DYNLT1: variants seen among roughly 807,000 people sequenced by gnomAD.
DYNLT1 encodes the protein T-complex testis-specific protein 1 homolog.
A neutral mutation model predicts 19.6 loss-of-function variants in DYNLT1; 18 were observed. The observed-to-expected ratio is 0.92, with a 90% confidence interval of 0.64 to 1.36. The LOEUF (loss-of-function observed/expected upper bound fraction) is 1.36, where lower values mean the gene tolerates loss of function less well. DYNLT1 is among the 40% of genes most tolerant of loss of function. DYNLT1 has a pLI of 0.00. For missense variants in DYNLT1, 137 were observed against 139.3 expected, an observed-to-expected ratio of 0.98 and a Z score of 0.08; for synonymous variants, 56 against 44.0, an observed-to-expected ratio of 1.27 and a Z score of -1.07.
At chr6:158,641,262 T>C in intron 2 of DYNLT1, 57 bp downstream of exon 2, 1 of 1,479,482 alleles carries the variant, frequency 6.8e-7, no homozygotes, top group Middle Eastern at 1.9e-4. Context: ...TTAAAACACA[T>C]TATTTTCTCT....
At position 158,637,780 on chromosome 6, in the gene DYNLT1, T is replaced by C; in HGVS notation, c.184A>G (p.Lys62Glu). The C allele has an allele frequency of 6.2e-7, 1 of 1,614,174 alleles. No individual in the cohort carries two copies. The highest frequency in any genetic ancestry group is 8.5e-7 in the Non-Finnish European group (1 of 1,180,044). Residue 62 changes from lysine to glutamate, a missense_variant, in exon 3 of 5, where the codon AAA becomes GAA. Transcript: ENST00000367089. ...SQLTKLGKPF[K>E]YIVTCVIMQK... ...AACAAGACTCCATTACCGATGTATTTAAATGGTTTTCCCAGCTTGGTGAGT... is the reference window on the plus strand; with the variant it reads ...AACAAGACTCCATTACCGATGTATTCAAATGGTTTTCCCAGCTTGGTGAGT...
chr6:158,637,436 C>T lies in DYNLT1; in HGVS notation c.194-231G>A, dbSNP rs1404529841. Reference sequence around the variant, plus strand: ...CAACAATATATGAAAATGTAAGTTGCAAATGCACTTAATACCCTGGTAAAT... The same window carrying T: ...CAACAATATATGAAAATGTAAGTTGTAAATGCACTTAATACCCTGGTAAAT... On this transcript the variant is annotated intron_variant, in intron 3 of 4. Coordinates refer to ENST00000367089, the MANE Select transcript of DYNLT1 (RefSeq NM_006519.4). The T allele has an allele frequency of 8.1e-6, 5 of 617,902 alleles. No individual in the cohort carries two copies. In the Admixed American group the frequency reaches 1.5e-4, roughly 19 times the overall value. The allele number at this position is 617,902 out of a possible 1,614,324, so 38.3% of individuals were successfully genotyped here.
intron 3 of DYNLT1, 131 bp downstream of exon 3, chr6:158,637,640 C>T (rs759121261): frequency 1.2e-5 from 17 of 1,426,086 alleles, no homozygotes; most frequent in Non-Finnish European, 1.7e-5. Context: ...GTATACTACA[C>T]ACACGACCGA....
At chr6:158,638,034 T>G (rs1299495093) in intron 2 of DYNLT1, 140 bp from the exon 3 acceptor site, 14 of 1,272,976 alleles carry the variant, frequency 1.1e-5, no homozygotes, top group Non-Finnish European at 1.4e-5. Flanking sequence ...AAATATACTT[T>G]TAATAGCATT....
At chr6:158,643,835 A>G (rs1787236037) in intron 1 of DYNLT1, among the ~76,000 whole-genome samples, 2 of 152,280 alleles carry the variant, frequency 1.3e-5, no homozygotes, top group East Asian at 1.9e-4. Context: ...TCTATAGTTT[A>G]TATTTTTGAC....
chr6:158,637,623 C>T (rs1314819659), intron 3 of DYNLT1, 148 bp downstream of exon 3: 38 of 1,238,638 alleles, frequency 3.1e-5, no homozygotes, highest in Middle Eastern at 2.1e-4. Context: ...GTCAAGCGTA[C>T]GCTAACGTAT....
At chr6:158,637,653 C>T (rs769304514) in intron 3 of DYNLT1, 118 bp downstream of exon 3, 32 of 1,533,506 alleles carry the variant, frequency 2.1e-5, no homozygotes, top group Non-Finnish European at 2.7e-5. Flanking sequence ...ACGACCGACT[C>T]CCACCAGGAG....
At position 158,636,679 on chromosome 6, in the gene DYNLT1, A is replaced by G; in HGVS notation, c.*148T>C. On this transcript the variant is annotated 3_prime_UTR_variant, in exon 5 of 5. Coordinates refer to ENST00000367089, the MANE Select transcript of DYNLT1 (RefSeq NM_006519.4). ...CTCATCTGACTTCGGTGCCATTCACATCACAGTGCGGTCATTTGGTTTTTT... is the reference window on the plus strand; with the variant it reads ...CTCATCTGACTTCGGTGCCATTCACGTCACAGTGCGGTCATTTGGTTTTTT... 2.3e-6 allele frequency: 2 copies of G among 859,822 alleles called. No individual in the cohort carries two copies. Among genetic ancestry groups the G allele is most frequent in the South Asian group, 1.7e-5 (1 of 58,942 alleles). 53.3% of individuals were successfully genotyped at this position (859,822 alleles called of 1,614,324 possible).
chr6:158,638,519 G>A (rs1338555102), intron 2 of DYNLT1, among the ~76,000 whole-genome samples: 1 of 112,936 alleles, frequency 8.9e-6, no homozygotes, highest in Non-Finnish European at 2.1e-5. Context: ...TGACCTCCTG[G>A]GCTCAAGCAA....
chr6:158,636,749 G>C lies in DYNLT1; in HGVS notation c.*78C>G. On this transcript the variant is annotated 3_prime_UTR_variant, in exon 5 of 5. Coordinates refer to ENST00000367089, the MANE Select transcript of DYNLT1 (RefSeq NM_006519.4). ...CCACAAAACAAAGAGAATGAGAAAA[G>C]AGTTCACTGAATTCATGGCTGGTGG... The C allele has an allele frequency of 6.9e-7, 1 of 1,451,140 alleles. No homozygotes were observed. The highest frequency in any genetic ancestry group is 1.4e-5 in the African/African-American group (1 of 70,908). 89.9% of individuals were successfully genotyped at this position (1,451,140 alleles called of 1,614,324 possible).
chr6:158,637,037 G>A (rs905991189), intron 4 of DYNLT1, 91 bp downstream of exon 4: 1 of 1,555,806 alleles, frequency 6.4e-7, no homozygotes, highest in Non-Finnish European at 8.8e-7. Context: ...TGTTTTAAAA[G>A]GTGATAAACA....
In DYNLT1 at chr6:158,641,314, C is replaced by T; in HGVS notation, c.69+5G>A. 1 of 1,593,616 alleles carries T rather than the reference C, an allele frequency of 6.3e-7. No individual in the cohort carries two copies. The highest frequency in any genetic ancestry group is 8.5e-7 in the Non-Finnish European group (1 of 1,173,182). On this transcript the variant is annotated splice_donor_5th_base_variant and intron_variant, in intron 2 of 4. Coordinates refer to ENST00000367089, the MANE Select transcript of DYNLT1 (RefSeq NM_006519.4). ...CATTTAAGAAGTGAGCATTTCTCCTCTTACCTCTTTTACAATGTTGCTCAC... is the reference window on the plus strand; with the variant it reads ...CATTTAAGAAGTGAGCATTTCTCCTTTTACCTCTTTTACAATGTTGCTCAC...
At chr6:158,641,277 T>C (rs764859195) in intron 2 of DYNLT1, 42 bp downstream of exon 2, 17 of 1,542,246 alleles carry the variant, frequency 1.1e-5, no homozygotes, top group Non-Finnish European at 1.5e-5. Context: ...TTCTCTAATA[T>C]AAGCCATTAA....
chr6:158,636,715 G>T lies in DYNLT1; in HGVS notation c.*112C>A. 7.7e-7 allele frequency: 1 copy of T among 1,291,570 alleles called. No individual in the cohort carries two copies. The highest frequency in any genetic ancestry group is 1.1e-6 in the Non-Finnish European group (1 of 933,026). 80.0% of individuals were successfully genotyped at this position (1,291,570 alleles called of 1,614,324 possible). A position where few individuals can be genotyped will look rare whatever the true frequency, so the allele number is the denominator to read the frequency against. On this transcript the variant is annotated 3_prime_UTR_variant, in exon 5 of 5. Coordinates refer to ENST00000367089, the MANE Select transcript of DYNLT1 (RefSeq NM_006519.4). Reference sequence around the variant, plus strand: ...GTCATTTGGTTTTTTCCTCTACATTGTGAAAGTGCCACAAAACAAAGAGAA... The same window carrying T: ...GTCATTTGGTTTTTTCCTCTACATTTTGAAAGTGCCACAAAACAAAGAGAA...
At chr6:158,639,605 T>C (rs1451179954) in intron 2 of DYNLT1, among the ~76,000 whole-genome samples, 1 of 152,228 alleles carries the variant, frequency 6.6e-6, no homozygotes, top group African/African-American at 2.4e-5. Context: ...GCAAAAAAGC[T>C]GTTGAGGCCA....
chr6:158,641,466 T>C (rs1022427940), intron 1 of DYNLT1, 106 bp from the exon 2 acceptor site: 5 of 995,828 alleles, frequency 5.0e-6, no homozygotes, highest in East Asian at 2.7e-5. Context: ...ATGAAGACCT[T>C]AGAAATAATC....
At chr6:158,642,389 G>A (rs1787154545) in intron 1 of DYNLT1, 1 of 152,270 alleles carries the variant, frequency 6.6e-6, no homozygotes, top group African/African-American at 2.4e-5. Flanking sequence ...GAGCACAAGC[G>A]TTTAAAGTTA....
At chr6:158,637,079 T>A in intron 4 of DYNLT1, 49 bp downstream of exon 4, 1 of 1,608,706 alleles carries the variant, frequency 6.2e-7, no homozygotes, top group South Asian at 1.1e-5. Context: ...AAACTTCCAG[T>A]CATATATTTC....
Position 158,637,075 on chromosome 6 carries a change from C to G in DYNLT1, c.271+53G>C, listed in dbSNP as rs772595262. 15 of 1,606,750 alleles carry G rather than the reference C, an allele frequency of 9.3e-6. No individual in the cohort carries two copies. The East Asian group carries it at 2.0e-4, about 22-fold the overall frequency. On this transcript the variant is annotated intron_variant, in intron 4 of 4. Transcript: ENST00000367089. ...CATTGCATTCAAAGATAGGAAACTT[C>G]CAGTCATATATTTCACACAACAAAA...
Sources: gnomAD v4.1 joint callset for allele counts (sites outside exome capture counted in the v4.1 genomes callset) on GRCh38, gnomAD v4.1.1 for gene constraint, MANE v1.5 for transcripts, NCBI Gene and HGNC (gene_info 2026-07-23, HGNC 2026-07-21) for gene names.